GALNT13: variants seen among roughly 807,000 people sequenced by gnomAD.
GALNT13 encodes the protein UDP-GalNAc:polypeptide N-acetylgalactosaminyltransferase 13.
A neutral mutation model predicts 64.2 loss-of-function variants in GALNT13; 28 were observed. The observed-to-expected ratio is 0.44, with a 90% confidence interval of 0.32 to 0.60. GALNT13 has a LOEUF of 0.60. GALNT13 is among the 20% of genes least tolerant of loss of function. The pLI is 0.05. For synonymous variants in GALNT13, 214 were observed against 224.6 expected (o/e 0.95, Z 0.42); for missense variants, 577 against 669.8 (o/e 0.86, Z 1.53).
At chr2:154,334,615 C>A (rs1574106132) in intron 9 of GALNT13, among the ~76,000 whole-genome samples, 1 of 111,030 alleles carries the variant, frequency 9.0e-6, no homozygotes, top group South Asian at 3.1e-4. Context: ...CATCATTCTT[C>A]TCAGTTACAA....
At chr2:153,916,165 C>CT (rs11375177) in intron 2 of GALNT13, among the ~76,000 whole-genome samples, 29,478 of 132,012 alleles carry the variant, frequency 0.22, 3,696 homozygotes, top group Middle Eastern at 0.33. Context: ...TTTTCTTTTT[C>CT]TTTTTTTTTT....
At chr2:153,110,724 G>T in the GALNT13 span, among the ~76,000 whole-genome samples, 1 of 152,064 alleles carries the variant, frequency 6.6e-6, no homozygotes, top group Non-Finnish European at 1.5e-5. Context: ...TAACTGAGGG[G>T]GTGGGGCAAG....
chr2:153,397,171 C>A, the GALNT13 span, among the ~76,000 whole-genome samples: 1 of 152,146 alleles, frequency 6.6e-6, no homozygotes, highest in Non-Finnish European at 1.5e-5. Flanking sequence ...GCTGTAATGA[C>A]AAATGCCTTT....
At chr2:153,211,802 G>C in the GALNT13 span, among the ~76,000 whole-genome samples, 5 of 152,206 alleles carry the variant, frequency 3.3e-5, no homozygotes, top group Non-Finnish European at 7.3e-5. Flanking sequence ...AGGGTATGAG[G>C]TGATTGGAAA....
chr2:153,365,689 A>G, the GALNT13 span, among the ~76,000 whole-genome samples: 1 of 152,198 alleles, frequency 6.6e-6, no homozygotes, highest in Non-Finnish European at 1.5e-5. Flanking sequence ...CAAAACCACA[A>G]TGAGATACTA....
the GALNT13 span, among the ~76,000 whole-genome samples, chr2:153,445,466 C>T: frequency 6.6e-6 from 1 of 152,134 alleles, no homozygotes; most frequent in African/African-American, 2.4e-5. Flanking sequence ...CAGCCTTGAC[C>T]TTCCGGGCTC....
In GALNT13 at chr2:153,910,067, C is replaced by CT. The variant is rs745989503; in HGVS notation, c.-105+9072dup. ...GTGAATCCTTCTGGCCCTGGCTAGG[C>CT]TTTTTTTTTTTTGGTTGGTAGACTA... On this transcript the variant is annotated intron_variant, in intron 2 of 12. Transcript: ENST00000392825. 4.6e-3 allele frequency among the ~76,000 whole-genome samples: 623 copies of CT among 135,060 alleles called. 5 individuals carry two copies. Among genetic ancestry groups the CT allele is most frequent in the South Asian group, 7.5e-3 (31 of 4,130 alleles). The allele number at this position is 135,060 out of a possible 152,430, so 88.6% of individuals were successfully genotyped here. A position where few individuals can be genotyped will look rare whatever the true frequency, so the allele number is the denominator to read the frequency against.
chr2:153,226,920 TG>T, the GALNT13 span, among the ~76,000 whole-genome samples: 480 of 152,268 alleles, frequency 3.2e-3, 3 homozygotes, highest in African/African-American at 0.011. Flanking sequence ...TATCCTGAGA[TG>T]GGAGTTGGTG....
At chr2:153,490,000 C>T in the GALNT13 span, among the ~76,000 whole-genome samples, 3 of 151,346 alleles carry the variant, frequency 2.0e-5, no homozygotes, top group Non-Finnish European at 4.4e-5. Context: ...CACACACACA[C>T]ACACACACAC....
chr2:153,199,615 T>C, the GALNT13 span, among the ~76,000 whole-genome samples: 2 of 152,198 alleles, frequency 1.3e-5, no homozygotes, highest in Non-Finnish European at 2.9e-5. Context: ...AAGGTTGTGA[T>C]ATAACCAACA....
At chr2:154,147,224 T>C (rs967006453) in intron 4 of GALNT13, among the ~76,000 whole-genome samples, 1 of 151,920 alleles carries the variant, frequency 6.6e-6, no homozygotes, top group Non-Finnish European at 1.5e-5. Flanking sequence ...CTTTCTAAAG[T>C]TGGTATTTTC....
At chr2:153,382,532 C>G in the GALNT13 span, among the ~76,000 whole-genome samples, 2 of 151,950 alleles carry the variant, frequency 1.3e-5, no homozygotes, top group Non-Finnish European at 2.9e-5. Context: ...GTGTAGTATT[C>G]CATGGTGTAT....
the GALNT13 span, among the ~76,000 whole-genome samples, chr2:153,472,637 C>T: frequency 6.6e-6 from 1 of 152,162 alleles, no homozygotes; most frequent in Non-Finnish European, 1.5e-5. Context: ...AGCATTATTG[C>T]AGATCACTTG....
At chr2:154,419,702 G>T (rs1450562065) in intron 11 of GALNT13, among the ~76,000 whole-genome samples, 1 of 152,038 alleles carries the variant, frequency 6.6e-6, no homozygotes, top group Non-Finnish European at 1.5e-5. Flanking sequence ...TAAAAGTTCA[G>T]ATATTCCTGG....
intron 8 of GALNT13, among the ~76,000 whole-genome samples, chr2:154,289,196 A>G (rs1437514495): frequency 6.6e-6 from 1 of 152,154 alleles, no homozygotes; most frequent in Non-Finnish European, 1.5e-5. Flanking sequence ...TGAGCTCTAC[A>G]TTTGCCCCTT....
chr2:153,497,522 ATTTTTTTTTTTT>A, the GALNT13 span, among the ~76,000 whole-genome samples: 108 of 36,882 alleles, frequency 2.9e-3, no homozygotes, highest in African/African-American at 1.0e-2. Context: ...TTTCTCCCGC[ATTTTTTTTTTTT>A]TTTTTTTTTT....
intron 3 of GALNT13, among the ~76,000 whole-genome samples, chr2:154,008,905 C>T (rs142722271): frequency 1.9e-3 from 288 of 152,118 alleles, no homozygotes; most frequent in Middle Eastern, 3.4e-3. Context: ...GATGAATATA[C>T]GAGTGTATGT....
rs141411736 is a variant in GALNT13, at chr2:154,453,354, G to GCA, written c.*2816_*2817dup. 9.3e-5 allele frequency: 14 copies of GCA among 151,030 alleles called. No homozygotes were observed. The highest frequency in any genetic ancestry group is 2.1e-4 in the South Asian group (1 of 4,780). 9.4% of individuals were successfully genotyped at this position (151,030 alleles called of 1,614,324 possible). ...CCACTCACCACACATACATACACAT[G>GCA]CACACACACACACATGCAATTCTAC... is the stretch of plus-strand genomic sequence containing the variant. On this transcript the variant is annotated 3_prime_UTR_variant, in exon 13 of 13. Coordinates refer to ENST00000392825, the MANE Select transcript of GALNT13 (RefSeq NM_052917.4).
intron 3 of GALNT13, among the ~76,000 whole-genome samples, chr2:154,109,724 A>G (rs1266696196): frequency 6.6e-6 from 1 of 152,162 alleles, no homozygotes; most frequent in African/African-American, 2.4e-5. Context: ...TCTACATTTA[A>G]TGAAATAATC....
Sources: allele counts gnomAD v4.1 joint callset (sites outside exome capture counted in the v4.1 genomes callset), GRCh38; gene constraint gnomAD v4.1.1; transcripts MANE v1.5; gene names NCBI Gene and HGNC (gene_info 2026-07-23, HGNC 2026-07-21).